The following COL13A1 variants were observed in gnomAD, a reference collection of about 807,000 sequenced individuals.
The protein encoded by COL13A1 is collagen type XIII alpha 1 chain.
Under a neutral mutation model 130.9 loss-of-function variants are expected in COL13A1, and 89 were observed. The ratio of observed to expected loss-of-function variants is 0.68; its 90% CI spans 0.57 to 0.81. The LOEUF (loss-of-function observed/expected upper bound fraction) is 0.81, where lower values mean the gene tolerates loss of function less well. COL13A1 is among the 30% of genes least tolerant of loss of function. COL13A1 has a pLI of 0.00. For missense variants in COL13A1, 879 were observed against 934.6 expected (o/e 0.94, Z 0.78); for synonymous variants, 402 against 341.6 (o/e 1.18, Z -1.95).
rs147026259 is a variant in COL13A1, at chr10:69,897,535, T to C, written c.685-1162T>C. On this transcript the variant is annotated intron_variant, in intron 13 of 40. Coordinates refer to ENST00000645393, the MANE Select transcript of COL13A1 (RefSeq NM_001368882.1). Reference sequence around the variant, plus strand: ...CAGCCAAATAATTGCCCTGAAGGTTTGTAGGTTCTGGAAGGTCTCCGGGCC... The same window carrying C: ...CAGCCAAATAATTGCCCTGAAGGTTCGTAGGTTCTGGAAGGTCTCCGGGCC... The C allele has an allele frequency of 1.4e-3, 2,277 of 1,613,902 alleles. 24 individuals carry two copies. In the African/African-American group the frequency reaches 0.025, roughly 18 times the overall value.
intron 2 of COL13A1, among the ~76,000 whole-genome samples, chr10:69,851,691 G>A (rs762555889): frequency 1.3e-5 from 2 of 152,216 alleles, no homozygotes; most frequent in South Asian, 4.2e-4. Flanking sequence ...GTCTCACTCT[G>A]TTGTCCAGGC....
chr10:69,905,505 G>T (rs2062658607), intron 16 of COL13A1, among the ~76,000 whole-genome samples: 2 of 152,162 alleles, frequency 1.3e-5, no homozygotes, highest in African/African-American at 2.4e-5. Context: ...ATGTTCAATA[G>T]AATCAGGTCT....
At chr10:69,879,686 G>A (rs2059939818) in intron 6 of COL13A1, among the ~76,000 whole-genome samples, 1 of 152,212 alleles carries the variant, frequency 6.6e-6, no homozygotes, top group Non-Finnish European at 1.5e-5. Flanking sequence ...GGCTCAGAGA[G>A]GTTTTGTGAC....
chr10:69,956,769 C>T (rs2070785731), intron 39 of COL13A1: 2 of 511,808 alleles, frequency 3.9e-6, no homozygotes, highest in Non-Finnish European at 3.6e-6. Flanking sequence ...AGGACAGCCC[C>T]TATTGACGTT....
intron 34 of COL13A1, among the ~76,000 whole-genome samples, chr10:69,938,255 G>A (rs1433519759): frequency 1.3e-5 from 2 of 152,138 alleles, no homozygotes; most frequent in Admixed American, 6.5e-5. Context: ...AGAGCCAGAA[G>A]CCCCAGGTCA....
rs200322111 is a variant in COL13A1, at chr10:69,918,322, G to A, written c.999+5G>A. ...ATTGCCGTGGCTGGGATGAAGGTCA[G>A]TGGACTGTTGTAACCAACACATCAG... is the stretch of plus-strand genomic sequence containing the variant. On this transcript the variant is annotated splice_donor_5th_base_variant and intron_variant, in intron 19 of 40. Transcript: ENST00000645393. The A allele has an allele frequency of 4.9e-4, 791 of 1,613,122 alleles. 5 individuals are homozygous for A. In the Middle Eastern group the frequency reaches 0.013, roughly 27 times the overall value.
At chr10:69,806,445 C>T (rs564057184) in intron 1 of COL13A1, among the ~76,000 whole-genome samples, 8 of 152,308 alleles carry the variant, frequency 5.3e-5, no homozygotes, top group African/African-American at 7.2e-5. Context: ...CAGCCCATGA[C>T]GGGGGTTGTG....
At chr10:69,831,237 C>T (rs1249152132) in intron 2 of COL13A1, among the ~76,000 whole-genome samples, 1 of 152,242 alleles carries the variant, frequency 6.6e-6, no homozygotes, top group Non-Finnish European at 1.5e-5. Flanking sequence ...TGTGCACCCT[C>T]AGCCACCTGT....
At chr10:69,897,503 T>C in intron 13 of COL13A1, 2 of 1,613,972 alleles carry the variant, frequency 1.2e-6, no homozygotes, top group Admixed American at 1.7e-5. Context: ...CCAGCAGCTC[T>C]GCGCTCCAGC....
chr10:69,951,630 G>T (rs1278832751), intron 38 of COL13A1, among the ~76,000 whole-genome samples: 1 of 152,140 alleles, frequency 6.6e-6, no homozygotes, highest in East Asian at 1.9e-4. Flanking sequence ...CTCCCAAAAT[G>T]CTGGGATTAC....
intron 2 of COL13A1, among the ~76,000 whole-genome samples, chr10:69,861,818 AG>A (rs1335052379): frequency 3.9e-5 from 6 of 152,172 alleles, no homozygotes; most frequent in Non-Finnish European, 8.8e-5. Context: ...CAGAGACTGT[AG>A]GTGTGTGTGA....
intron 27 of COL13A1, among the ~76,000 whole-genome samples, chr10:69,928,534 C>A (rs1344436254): frequency 6.6e-6 from 1 of 152,168 alleles, no homozygotes. Flanking sequence ...GGTTCTTTTT[C>A]CCTGCTGAGT....
chr10:69,844,815 G>A (rs1480727041), intron 2 of COL13A1, among the ~76,000 whole-genome samples: 1 of 152,234 alleles, frequency 6.6e-6, no homozygotes, highest in Non-Finnish European at 1.5e-5. Context: ...ACTGGAGAGG[G>A]TGGTGCCCCA....
chr10:69,896,938 C>T (rs1011913104), intron 13 of COL13A1, among the ~76,000 whole-genome samples: 2 of 152,152 alleles, frequency 1.3e-5, no homozygotes, highest in Non-Finnish European at 2.9e-5. Flanking sequence ...TTATGTTACC[C>T]GAAAGAAAGA....
intron 13 of COL13A1, among the ~76,000 whole-genome samples, chr10:69,896,029 G>A (rs2061602438): frequency 1.3e-5 from 2 of 152,090 alleles, no homozygotes; most frequent in African/African-American, 2.4e-5. Flanking sequence ...CCAAAACAGT[G>A]GGACTTTTCT....
chr10:69,898,822 C>T lies in COL13A1; in HGVS notation c.750+60C>T. The T allele has an allele frequency of 7.9e-6, 11 of 1,400,212 alleles. No individual in the cohort carries two copies. In the South Asian group the frequency reaches 1.3e-4, roughly 17 times the overall value. The allele number at this position is 1,400,212 out of a possible 1,614,324, so 86.7% of individuals were successfully genotyped here. A position where few individuals can be genotyped will look rare whatever the true frequency, so the allele number is the denominator to read the frequency against. ...TTTCCCAAGGGGCCCGGCAAGCCTG[C>T]TGGGGCTGCAGACAAAGCCAGAACC... On this transcript the variant is annotated intron_variant, in intron 14 of 40. Coordinates refer to ENST00000645393, the MANE Select transcript of COL13A1 (RefSeq NM_001368882.1).
chr10:69,805,091 G>A (rs190778744), intron 1 of COL13A1, among the ~76,000 whole-genome samples: 1 of 152,308 alleles, frequency 6.6e-6, no homozygotes, highest in Admixed American at 6.5e-5. Context: ...GGACCCCGGA[G>A]GACTGGGAGT....
intron 30 of COL13A1, 139 bp from the exon 31 acceptor site, chr10:69,932,421 C>A (rs2066240023): frequency 3.2e-6 from 2 of 626,858 alleles, no homozygotes; most frequent in Middle Eastern, 8.8e-4. Flanking sequence ...CAGGCTGACA[C>A]CTCCACATCC....
rs372776557 is a variant in COL13A1, at chr10:69,854,446, G to A, written c.365-13352G>A. Among the ~76,000 whole-genome samples the A allele has an allele frequency of 1.7e-4, 26 of 152,098 alleles. 1 individual carries two copies. In the East Asian group the frequency reaches 2.9e-3, roughly 17 times the overall value. ...AAATTAGCCAGGCATGGTGGTGTGC[G>A]CCAGCAGTCCCAGCTACTCGGGAGG... On this transcript the variant is annotated intron_variant, in intron 2 of 40. Coordinates refer to ENST00000645393, the MANE Select transcript of COL13A1 (RefSeq NM_001368882.1).
Sources: gnomAD v4.1 joint callset for allele counts (sites outside exome capture counted in the v4.1 genomes callset) on GRCh38, gnomAD v4.1.1 for gene constraint, MANE v1.5 for transcripts, NCBI Gene and HGNC (gene_info 2026-07-23, HGNC 2026-07-21) for gene names.